The following BNC2 variants were observed in gnomAD, a reference collection of about 807,000 sequenced individuals.
BNC2 encodes zinc finger protein basonuclin-2.
BNC2 carries 20 observed loss-of-function variants against 76.3 expected under a neutral mutation model. The observed-to-expected ratio is 0.26, with a 90% CI of 0.18 to 0.38. The LOEUF is 0.38. BNC2 is among the 10% of genes least tolerant of loss of function. The pLI, the probability that BNC2 is intolerant of heterozygous loss-of-function variation, is 1.00. For missense variants in BNC2, 1,382 were observed against 1,399.8 expected, an observed-to-expected ratio of 0.99 and a Z score of 0.20; for synonymous variants, 582 against 514.8, an observed-to-expected ratio of 1.13 and a Z score of -1.77.
At chr9:16,814,217 G>A (rs1241713270) in intron 1 of BNC2, among the ~76,000 whole-genome samples, 1 of 152,176 alleles carries the variant, frequency 6.6e-6, no homozygotes, top group African/African-American at 2.4e-5. Context: ...TGTCTATAAG[G>A]TAAAGAATAC....
chr9:16,843,718 G>A (rs1295418569), intron 1 of BNC2, among the ~76,000 whole-genome samples: 3 of 152,176 alleles, frequency 2.0e-5, no homozygotes, highest in Admixed American at 2.0e-4. Context: ...AGCTACTTTA[G>A]GTTTACCATG....
At chr9:16,646,893 G>A (rs1423987828) in intron 3 of BNC2, among the ~76,000 whole-genome samples, 2 of 152,132 alleles carry the variant, frequency 1.3e-5, no homozygotes, top group Admixed American at 1.3e-4. Context: ...ATCCATAGCT[G>A]AGTCCCCCGC....
intron 3 of BNC2, among the ~76,000 whole-genome samples, chr9:16,717,924 T>C (rs946649536): frequency 6.6e-6 from 1 of 152,214 alleles, no homozygotes; most frequent in African/African-American, 2.4e-5. Flanking sequence ...TTATTTAAAA[T>C]AACTGTTTAC....
intron 5 of BNC2, among the ~76,000 whole-genome samples, chr9:16,549,070 TAATAACCTCTTA>T (rs1438373378): frequency 6.6e-6 from 1 of 152,202 alleles, no homozygotes; most frequent in Non-Finnish European, 1.5e-5. Flanking sequence ...CTTTTTCTAA[TAATAACCTCTTA>T]AACCACATAC....
At chr9:16,559,937 G>C (rs1287389191) in intron 4 of BNC2, among the ~76,000 whole-genome samples, 1 of 152,242 alleles carries the variant, frequency 6.6e-6, no homozygotes, top group Non-Finnish European at 1.5e-5. Flanking sequence ...ATTTGACAAA[G>C]TACTGTGGGA....
chr9:16,419,886 T>A (rs1014391703), intron 6 of BNC2, among the ~76,000 whole-genome samples: 1 of 151,716 alleles, frequency 6.6e-6, no homozygotes, highest in Non-Finnish European at 1.5e-5. Flanking sequence ...TATAAGAGAG[T>A]TGACTCTGTC....
intron 4 of BNC2, among the ~76,000 whole-genome samples, chr9:16,554,401 C>G (rs1482086932): frequency 1.3e-5 from 2 of 152,190 alleles, no homozygotes; most frequent in East Asian, 3.8e-4. Flanking sequence ...TTATCATTTA[C>G]CCGCTGGCTT....
At chr9:16,674,423 C>G (rs772642462) in intron 3 of BNC2, among the ~76,000 whole-genome samples, 2 of 152,056 alleles carry the variant, frequency 1.3e-5, no homozygotes, top group Non-Finnish European at 2.9e-5. Context: ...TCTTTTAAAA[C>G]CCCTAAAAAA....
intron 1 of BNC2, among the ~76,000 whole-genome samples, chr9:16,846,798 A>T (rs529364097): frequency 6.6e-6 from 1 of 152,364 alleles, no homozygotes; most frequent in Admixed American, 6.5e-5. Flanking sequence ...GTTTTCCATC[A>T]GCCACAATCT....
At chr9:16,442,833 C>T (rs543263842) in intron 5 of BNC2, among the ~76,000 whole-genome samples, 3 of 152,162 alleles carry the variant, frequency 2.0e-5, no homozygotes, top group East Asian at 1.9e-4. Flanking sequence ...CAGCCGGGCA[C>T]GGTGACTCAT....
In BNC2 at chr9:16,436,642, C is replaced by G. The variant is rs377315626; in HGVS notation, c.1552G>C (p.Ala518Pro). The G allele has an allele frequency of 1.2e-6, 2 of 1,613,894 alleles. No homozygotes were observed. The highest frequency in any genetic ancestry group is 2.7e-5 in the African/African-American group (2 of 74,854). The part of the protein sequence containing the change: ...KDLIRATSGA[A>P]TPVIASTKSN... ...TTTGTACTTGCTATGACAGGGGTGGCAGCTCCTGAGGTGGCCCGAATTAAA... is the reference window on the plus strand; with the variant it reads ...TTTGTACTTGCTATGACAGGGGTGGGAGCTCCTGAGGTGGCCCGAATTAAA... Residue 518 changes from alanine to proline, a missense_variant, in exon 6 of 7, where the codon GCC (alanine) becomes CCC (proline). This residue lies in a region of BNC2 where 798 missense variants were observed against 775.5 expected (regional missense o/e 1.03). Transcript: ENST00000380672.
intron 1 of BNC2, among the ~76,000 whole-genome samples, chr9:16,862,264 C>T (rs1359056887): frequency 6.6e-6 from 1 of 152,122 alleles, no homozygotes; most frequent in East Asian, 1.9e-4. Flanking sequence ...CCCAAATGTG[C>T]TTTCATTGAA....
chr9:16,677,541 C>G (rs1388443495), intron 3 of BNC2, among the ~76,000 whole-genome samples: 3 of 144,658 alleles, frequency 2.1e-5, no homozygotes, highest in African/African-American at 8.2e-5. Context: ...CCACTGCACT[C>G]CAGCCCGGGG....
chr9:16,670,000 T>G (rs958385775), intron 3 of BNC2, among the ~76,000 whole-genome samples: 1 of 152,230 alleles, frequency 6.6e-6, no homozygotes, highest in African/African-American at 2.4e-5. Flanking sequence ...AATAATTGTG[T>G]AATTCAACTG....
At chr9:16,519,329 G>C (rs1016818969) in intron 5 of BNC2, among the ~76,000 whole-genome samples, 2 of 152,208 alleles carry the variant, frequency 1.3e-5, no homozygotes, top group South Asian at 2.1e-4. Flanking sequence ...TCAAGGGCCA[G>C]AGACAAGGAT....
chr9:16,614,349 C>T (rs191351719), intron 3 of BNC2, among the ~76,000 whole-genome samples: 6 of 152,136 alleles, frequency 3.9e-5, no homozygotes, highest in African/African-American at 1.4e-4. Flanking sequence ...AAGACAGTAC[C>T]TAGCACAGAG....
rs374738575 is a variant in BNC2 at position 16,419,213 on chromosome 9, T to G, written c.3076A>C (p.Ser1026Arg). The change falls in exon 7 of 7, where the codon AGC (serine) becomes CGC (arginine). Residue 1026 changes from serine (S) to arginine (R), a missense_variant. By Grantham distance (110) the Ser-to-Arg change is moderately radical (BLOSUM62 -1). Coordinates refer to ENST00000380672, the MANE Select transcript of BNC2 (RefSeq NM_017637.6). ...GAEVSGSLMF[S>R]SLSGSNGGIM... ...CCACCATTGCTCCCAGACAAGCTGC[T>G]GAACATAAGAGATCCTGAAACTTCA... 6.2e-7 allele frequency: 1 copy of G among 1,614,110 alleles called. No homozygotes were observed. Among genetic ancestry groups the G allele is most frequent in the African/African-American group, 1.3e-5 (1 of 74,946 alleles).
Position 16,862,161 on chromosome 9 carries a change from CTT to C in BNC2, c.3+8483_3+8484del, listed in dbSNP as rs1586944494. On this transcript the variant is annotated intron_variant, in intron 1 of 6. Transcript: ENST00000380672. ...GGCCATACTATCCAACAATTCTACT[CTT>C]GAGCATATACCCAAGAGAAATGAAA... Among the ~76,000 whole-genome samples the C allele has an allele frequency of 2.6e-5, 4 of 152,278 alleles. No homozygotes were observed. In the East Asian group the frequency reaches 7.7e-4, roughly 29 times the overall value.
intron 3 of BNC2, among the ~76,000 whole-genome samples, chr9:16,584,410 C>G (rs1360872932): frequency 6.6e-6 from 1 of 152,148 alleles, no homozygotes; most frequent in African/African-American, 2.4e-5. Flanking sequence ...ATTCCCTATG[C>G]TTTAGATCAG....
Sources: allele counts gnomAD v4.1 joint callset (sites outside exome capture counted in the v4.1 genomes callset), GRCh38; gene constraint gnomAD v4.1.1; regional missense constraint gnomAD v4.1.1; transcripts MANE v1.5; gene names NCBI Gene and HGNC (gene_info 2026-07-23, HGNC 2026-07-21).